The following IQSEC1 variants were observed in gnomAD, a reference collection of about 807,000 sequenced individuals.
IQSEC1 encodes IQ motif and Sec7 domain ArfGEF 1.
In IQSEC1, 31 loss-of-function variants were observed where a neutral mutation model predicts 91.0. That is an observed-to-expected ratio of 0.34 (90% confidence interval 0.26 to 0.46). IQSEC1 has a LOEUF of 0.46. IQSEC1 is among the 20% of genes least tolerant of loss of function. The pLI is 1.00. For synonymous variants in IQSEC1, 699 were observed against 662.6 expected, an observed-to-expected ratio of 1.05 and a Z score of -0.84; for missense variants, 1,388 against 1,575.6, an observed-to-expected ratio of 0.88 and a Z score of 2.02.
At chr3:13,154,438 C>CATACATATAT (rs1707049640) in intron 2 of IQSEC1, among the ~76,000 whole-genome samples, 5 of 20,758 alleles carry the variant, frequency 2.4e-4, no homozygotes, top group African/African-American at 1.1e-3. Context: ...AACTTACATG[C>CATACATATAT]ATATATATAT....
intron 2 of IQSEC1, among the ~76,000 whole-genome samples, chr3:13,097,300 C>T (rs537315144): frequency 1.3e-5 from 2 of 152,292 alleles, no homozygotes; most frequent in African/African-American, 4.8e-5. Context: ...AGCTGGGATT[C>T]GAATCCAGAT....
In IQSEC1 at chr3:12,901,238, C is replaced by T; in HGVS notation, c.3090G>A (p.Gln1030=). Residue 1030 remains glutamine (Q), a synonymous_variant, in exon 14 of 14, where the codon CAG becomes CAA. Transcript: ENST00000613206. ...PQAAMHGHHT[Q]YCHMQNPPPY... is the part of the protein sequence containing the mutation. The stretch of plus-strand genomic sequence containing the variant: ...GGGGAGGGTTCTGCATGTGGCAGTA[C>T]TGGGTGTGATGCCCGTGCATGGCGG... The T allele has an allele frequency of 1.3e-6, 2 of 1,548,270 alleles. No individual in the cohort carries two copies. Among genetic ancestry groups the T allele is most frequent in the Middle Eastern group, 1.7e-4 (1 of 5,900 alleles).
chr3:13,157,007 A>T (rs1707096441), intron 2 of IQSEC1, among the ~76,000 whole-genome samples: 1 of 152,212 alleles, frequency 6.6e-6, no homozygotes, highest in Non-Finnish European at 1.5e-5. Context: ...CATTTGAGAT[A>T]AGGACACTGA....
intron 1 of IQSEC1, among the ~76,000 whole-genome samples, chr3:13,052,369 G>A (rs894159036): frequency 7.9e-5 from 12 of 152,228 alleles, no homozygotes; most frequent in East Asian, 1.9e-4. Context: ...ACTCTTCGGC[G>A]TGGAGGGTCC....
intron 2 of IQSEC1, among the ~76,000 whole-genome samples, chr3:13,148,741 G>A (rs1706939087): frequency 6.6e-6 from 1 of 152,244 alleles, no homozygotes; most frequent in Non-Finnish European, 1.5e-5. Flanking sequence ...GCAGGCTTCT[G>A]AGTTTGTTGT....
chr3:13,071,694 CG>C, intron 1 of IQSEC1, among the ~76,000 whole-genome samples: 2 of 152,292 alleles, frequency 1.3e-5, no homozygotes, highest in East Asian at 3.9e-4. Flanking sequence ...AGCATCACAG[CG>C]AACCAGAGGC....
chr3:13,144,393 G>A (rs1706853471), intron 2 of IQSEC1, among the ~76,000 whole-genome samples: 1 of 152,164 alleles, frequency 6.6e-6, no homozygotes, highest in African/African-American at 2.4e-5. Context: ...CCACATCAGA[G>A]GGAGGCAGGG....
At chr3:13,251,675 T>C (rs1472930157) in intron 1 of IQSEC1, among the ~76,000 whole-genome samples, 2 of 152,176 alleles carry the variant, frequency 1.3e-5, no homozygotes, top group Admixed American at 1.3e-4. Flanking sequence ...GACTGCACCA[T>C]GCAGAGGTCA....
rs1694512799 is a variant in IQSEC1 at position 13,214,783 on chromosome 3, T to C, written c.273-50650A>G. Among the ~76,000 whole-genome samples, 1 of 152,218 alleles carries C rather than the reference T, an allele frequency of 6.6e-6. No individual in the cohort carries two copies. The highest frequency in any genetic ancestry group is 6.5e-5 in the Admixed American group (1 of 15,290). ...GCAGCTGGTTTTCTGACCTTCCAGA[T>C]GGTGTGCGGCACCTGGCATTCTGGA... On this transcript the variant is annotated intron_variant, in intron 1 of 15. Coordinates refer to the IQSEC1 transcript ENST00000648114. This position sits in a 1 kb window ranked among gnomAD's most constrained non-coding sequence, Gnocchi z 4.5.
chr3:13,132,270 T>A lies in IQSEC1; in HGVS notation c.302+31834A>T, dbSNP rs556727175. The stretch of plus-strand genomic sequence containing the variant: ...GCTAGGGCAAGACTTTGAGAATGCT[T>A]TAACCAACACTTTATGAATCGTGAG... On this transcript the variant is annotated intron_variant, in intron 2 of 15. Transcript: ENST00000648114. 2.6e-5 allele frequency among the ~76,000 whole-genome samples: 4 copies of A among 152,366 alleles called. No homozygotes were observed. In the South Asian group the frequency reaches 8.3e-4, roughly 32 times the overall value.
Position 13,073,158 on chromosome 3 carries a change from GGGCTCCTCCAGGGAGGCT to G in IQSEC1, c.-162_-145del. ...GGCGAGTCACATTCCCGGGGGTGGC[GGGCTCCTCCAGGGAGGCT>G]GGGGCGGGAGCGGGGGGCGGCGCCA... is the stretch of plus-strand genomic sequence containing the variant. On this transcript the variant is annotated 5_prime_UTR_variant, in exon 1 of 14. Coordinates refer to ENST00000613206, the MANE Select transcript of IQSEC1 (RefSeq NM_001134382.3). The G allele has an allele frequency of 1.0e-6, 1 of 980,584 alleles. No individual in the cohort carries two copies. The allele number at this position is 980,584 out of a possible 1,614,324, so 60.7% of individuals were successfully genotyped here. A position where few individuals can be genotyped will look rare whatever the true frequency, so the allele number is the denominator to read the frequency against.
intron 2 of IQSEC1, among the ~76,000 whole-genome samples, chr3:13,112,494 C>T (rs746719649): frequency 1.3e-4 from 20 of 152,208 alleles, no homozygotes; most frequent in Non-Finnish European, 2.5e-4. Context: ...AAGAGACGTC[C>T]GGAAAAAGCT....
chr3:12,991,933 G>A (rs1702010165), intron 1 of IQSEC1, among the ~76,000 whole-genome samples: 1 of 152,140 alleles, frequency 6.6e-6, no homozygotes, highest in Non-Finnish European at 1.5e-5. Flanking sequence ...GGCTGCCATG[G>A]GCCCTTTAAG....
At chr3:13,243,219 G>T (rs1043575814) in intron 1 of IQSEC1, among the ~76,000 whole-genome samples, 1 of 152,148 alleles carries the variant, frequency 6.6e-6, no homozygotes, top group Non-Finnish European at 1.5e-5. Context: ...AGCCTTCCCC[G>T]AGGTAACTTC....
rs1350878232 is a variant in IQSEC1 at position 12,936,030 on chromosome 3, T to A, written c.986A>T (p.Tyr329Phe). 4 of 1,602,252 alleles carry A rather than the reference T, an allele frequency of 2.5e-6. No homozygotes were observed. The African/African-American group carries it at 5.3e-5, about 21-fold the overall frequency. The change falls in exon 3 of 14, where the codon TAC (tyrosine) becomes TTC (phenylalanine). Residue 329 changes from tyrosine (Y) to phenylalanine (F), a missense_variant. Physicochemically the swap from Tyr to Phe is conservative, Grantham distance 22. Around this residue, in one of 2 missense-constraint regions of IQSEC1, gnomAD observed 1,059 missense variants for 1,317.8 expected, o/e 0.80. Transcript: ENST00000613206. ...RLRAGGAAPD[Y>F]WALAHKEDKA... The stretch of plus-strand genomic sequence containing the variant: ...GTCCTCTTTGTGGGCCAGGGCCCAG[T>A]AGTCTGGGGCTGCGCCCCCAGCCCG...
chr3:13,131,438 C>G (rs1452635007), intron 2 of IQSEC1, among the ~76,000 whole-genome samples: 1 of 138,790 alleles, frequency 7.2e-6, no homozygotes, highest in Non-Finnish European at 1.5e-5. Context: ...ACAATTTGTA[C>G]TTAATGTGGT....
intron 2 of IQSEC1, among the ~76,000 whole-genome samples, chr3:13,147,885 G>A (rs1706924087): frequency 6.6e-6 from 1 of 152,212 alleles, no homozygotes; most frequent in East Asian, 1.9e-4. Flanking sequence ...TGCCCGCCTA[G>A]GCCTGCCAAA....
At chr3:13,187,879 C>T (rs1693960754) in intron 1 of IQSEC1, among the ~76,000 whole-genome samples, 2 of 152,284 alleles carry the variant, frequency 1.3e-5, no homozygotes, top group African/African-American at 4.8e-5. Flanking sequence ...GGACAGGAGG[C>T]CTCTGTGTAA....
intron 1 of IQSEC1, among the ~76,000 whole-genome samples, chr3:13,072,474 C>T (rs1312814805): frequency 2.6e-5 from 4 of 152,238 alleles, no homozygotes; most frequent in East Asian, 1.9e-4. Flanking sequence ...TGCTGCCAGC[C>T]CACAGAACAC....
Sources: allele counts gnomAD v4.1 joint callset (sites outside exome capture counted in the v4.1 genomes callset), GRCh38; gene constraint gnomAD v4.1.1; regional missense constraint gnomAD v4.1.1; non-coding constraint Gnocchi (gnomAD v3.1); transcripts MANE v1.5; gene names NCBI Gene and HGNC (gene_info 2026-07-23, HGNC 2026-07-21).